The following PARP12 variants were observed in gnomAD, a reference collection of about 807,000 sequenced individuals.
PARP12 encodes protein mono-ADP-ribosyltransferase PARP12.
Under a neutral mutation model 72.4 loss-of-function variants are expected in PARP12, and 59 were observed. That is an observed-to-expected ratio of 0.81 (90% CI 0.66 to 1.01). The LOEUF (loss-of-function observed/expected upper bound fraction) is 1.01. Ranked by LOEUF, PARP12 falls within the 50% of genes least tolerant of loss-of-function variation. The pLI, the probability that PARP12 is intolerant of heterozygous loss-of-function variation, is 0.00. For missense variants in PARP12, 851 were observed against 914.0 expected (o/e 0.93, Z 0.89); for synonymous variants, 403 against 371.4 (o/e 1.09, Z -0.98).
intron 10 of PARP12, among the ~76,000 whole-genome samples, 159 bp downstream of exon 10, chr7:140,027,117 C>A (rs901567697): frequency 1.1e-4 from 16 of 152,164 alleles, no homozygotes; most frequent in Non-Finnish European, 2.1e-4. Context: ...CCACACTGCC[C>A]TGGGGGAGCG....
intron 1 of PARP12, among the ~76,000 whole-genome samples, chr7:140,059,022 G>T (rs1040652111): frequency 7.2e-5 from 11 of 151,832 alleles, no homozygotes; most frequent in Non-Finnish European, 1.5e-4. Context: ...TTGAACCCAG[G>T]AGGCGGAGGC....
chr7:140,047,918 T>G (rs1216040455), intron 4 of PARP12, among the ~76,000 whole-genome samples: 1 of 152,136 alleles, frequency 6.6e-6, no homozygotes. Context: ...ACCTGGCAAT[T>G]TTTTAGAAAT....
intron 6 of PARP12, chr7:140,038,359 C>A: frequency 1.1e-6 from 1 of 932,972 alleles, no homozygotes; most frequent in Non-Finnish European, 1.3e-6. Flanking sequence ...AATCCCTATC[C>A]TTCCACAATT....
At chr7:140,027,436 A>AC in intron 9 of PARP12, 30 bp from the exon 10 acceptor site, 1 of 1,610,880 alleles carries the variant, frequency 6.2e-7, no homozygotes, top group South Asian at 1.1e-5. Flanking sequence ...TTAATGCATT[A>AC]CCATCAACGT....
chr7:140,024,291 T>A lies in PARP12; in HGVS notation c.*269A>T. On this transcript the variant is annotated 3_prime_UTR_variant, in exon 12 of 12. Transcript: ENST00000263549. ...TCCCTGGTGCCAATAAGCAGCAAAG[T>A]CAACAAAGAGTAAAAACTAAAACTT... 2 of 454,516 alleles carry A rather than the reference T, an allele frequency of 4.4e-6. No homozygotes were observed. The highest frequency in any genetic ancestry group is 4.4e-5 in the South Asian group (2 of 45,776). 28.2% of individuals were successfully genotyped at this position (454,516 alleles called of 1,614,324 possible).
At chr7:140,047,156 G>T in intron 4 of PARP12, 149 bp from the exon 5 acceptor site, 1 of 810,774 alleles carries the variant, frequency 1.2e-6, no homozygotes, top group Non-Finnish European at 1.8e-6. Context: ...CGGCATGCCT[G>T]AGCATTTAGA....
intron 7 of PARP12, among the ~76,000 whole-genome samples, chr7:140,035,897 G>A (rs1266130943): frequency 3.0e-5 from 4 of 133,622 alleles, no homozygotes; most frequent in Non-Finnish European, 6.4e-5. Context: ...GGAAGAGGAG[G>A]AGGACGAGGA....
At chr7:140,045,212 T>G (rs904863939) in intron 5 of PARP12, among the ~76,000 whole-genome samples, 1 of 151,986 alleles carries the variant, frequency 6.6e-6, no homozygotes, top group Non-Finnish European at 1.5e-5. Context: ...TTAAAAATTT[T>G]TGTAGAGACA....
chr7:140,032,414 C>T (rs558833463), intron 8 of PARP12, among the ~76,000 whole-genome samples: 3 of 152,076 alleles, frequency 2.0e-5, no homozygotes, highest in Admixed American at 6.5e-5. Context: ...TGGGCTCAAG[C>T]GATCCTTCCA....
Position 140,062,671 on chromosome 7 carries a change from G to C in PARP12, c.177C>G (p.Ala59=). The change falls in exon 1 of 12, where the codon GCC becomes GCG. Residue 59 remains alanine (A), a synonymous_variant. Coordinates refer to ENST00000263549, the MANE Select transcript of PARP12 (RefSeq NM_022750.4). ...FVVAVRAGGA[A]AAPERVVLAA... ...CCAGCACCACGCGCTCCGGGGCCGC[G>C]GCTGCGCCGCCCGCCCGCACCGCCA... is the stretch of plus-strand genomic sequence containing the variant. 1 of 1,272,630 alleles carries C rather than the reference G, an allele frequency of 7.9e-7. No homozygotes were observed. The highest frequency in any genetic ancestry group is 9.9e-7 in the Non-Finnish European group (1 of 1,013,240). 78.8% of individuals were successfully genotyped at this position (1,272,630 alleles called of 1,614,324 possible). A position where few individuals can be genotyped will look rare whatever the true frequency, so the allele number is the denominator to read the frequency against.
chr7:140,044,441 C>G (rs1444869192), intron 5 of PARP12, among the ~76,000 whole-genome samples: 1 of 152,082 alleles, frequency 6.6e-6, no homozygotes, highest in East Asian at 1.9e-4. Flanking sequence ...TGGAGTGACG[C>G]GTCTACAAGC....
intron 9 of PARP12, among the ~76,000 whole-genome samples, chr7:140,027,857 T>C (rs985904380): frequency 4.6e-5 from 7 of 152,132 alleles, no homozygotes; most frequent in Non-Finnish European, 8.8e-5. Context: ...TTTTTTTTCT[T>C]GTCCCACACA....
At chr7:140,048,975 T>A (rs1012773325) in intron 4 of PARP12, among the ~76,000 whole-genome samples, 3 of 152,252 alleles carry the variant, frequency 2.0e-5, no homozygotes, top group African/African-American at 7.2e-5. Context: ...TGTACATTTT[T>A]AATTTGTATT....
chr7:140,041,952 T>C (rs1201844149), intron 5 of PARP12, 113 bp from the exon 6 acceptor site: 10 of 933,916 alleles, frequency 1.1e-5, no homozygotes, highest in Non-Finnish European at 1.6e-5. Flanking sequence ...GGCATGCACA[T>C]TTTAGAAAAA....
chr7:140,034,097 C>A (rs578198172), intron 8 of PARP12, 138 bp downstream of exon 8: 10 of 1,366,044 alleles, frequency 7.3e-6, no homozygotes, highest in South Asian at 1.5e-5. Flanking sequence ...AGAAGACAAA[C>A]GATAACAGAG....
At chr7:140,027,230 T>C (rs1209279080) in intron 10 of PARP12, 46 bp downstream of exon 10, 3 of 1,598,084 alleles carry the variant, frequency 1.9e-6, no homozygotes, top group African/African-American at 2.7e-5. Flanking sequence ...GCCAGTGGTG[T>C]GAAGGGACAG....
chr7:140,057,937 G>A lies in PARP12; in HGVS notation c.424C>T (p.Gln142Ter). 6.2e-7 allele frequency: 1 copy of A among 1,614,212 alleles called. No individual in the cohort carries two copies. Among genetic ancestry groups the A allele is most frequent in the South Asian group, 1.1e-5 (1 of 91,082 alleles). The change falls in exon 2 of 12, where the codon CAA (glutamine) becomes TAA (stop). Residue 142 changes from glutamine (Q) to a stop codon, truncating the protein, a stop_gained. Coordinates refer to ENST00000263549, the MANE Select transcript of PARP12 (RefSeq NM_022750.4). LOFTEE classifies it high-confidence loss of function. Reference sequence around the variant, plus strand: ...CAGGGGTCGTTCTGAAACAAGAGTTGGCATAGCTCATTATAGCTCAGGTGG... The same window carrying A: ...CAGGGGTCGTTCTGAAACAAGAGTTAGCATAGCTCATTATAGCTCAGGTGG... The part of the protein sequence containing the change: ...VDHLSYNELC[Q>*]LLFQNDPWLL...
At chr7:140,030,943 T>G (rs1399517826) in intron 8 of PARP12, among the ~76,000 whole-genome samples, 1 of 152,136 alleles carries the variant, frequency 6.6e-6, no homozygotes, top group African/African-American at 2.4e-5. Context: ...GGTAAAAATG[T>G]GAGTAAATTT....
At position 140,052,968 on chromosome 7, in the gene PARP12, A is replaced by G. The variant is rs1004479046; in HGVS notation, c.862+1694T>C. On this transcript the variant is annotated intron_variant, in intron 4 of 11. Coordinates refer to ENST00000263549, the MANE Select transcript of PARP12 (RefSeq NM_022750.4). ...GACAATGCCAAGTGTTAGCAAGAAT[A>G]TACAATAACTGAAACTCTCACACGT... 3.0e-4 allele frequency among the ~76,000 whole-genome samples: 45 copies of G among 152,232 alleles called. 1 individual carries two copies. Among genetic ancestry groups the G allele is most frequent in the Admixed American group, 2.9e-3 (45 of 15,284 alleles).
Sources: gnomAD v4.1 joint callset for allele counts (sites outside exome capture counted in the v4.1 genomes callset) on GRCh38, gnomAD v4.1.1 for gene constraint, MANE v1.5 for transcripts, NCBI Gene and HGNC (gene_info 2026-07-23, HGNC 2026-07-21) for gene names.